The following MAP3K13 variants were observed in gnomAD, a reference collection of about 807,000 sequenced individuals.
MAP3K13 encodes the protein leucine zipper-bearing kinase.
In MAP3K13, 52 loss-of-function variants were observed where a neutral mutation model predicts 104.0. The observed-to-expected ratio is 0.50, with a 90% CI of 0.40 to 0.63. The LOEUF is 0.63. MAP3K13 is among the 20% of genes least tolerant of loss of function. The probability of loss-of-function intolerance (pLI) is 0.00; values close to 1 mark genes in which losing one functional copy is unlikely to be tolerated. For synonymous variants in MAP3K13, 394 were observed against 442.2 expected (o/e 0.89, Z 1.37); for missense variants, 914 against 1,218.5 (o/e 0.75, Z 3.72).
intron 2 of MAP3K13, among the ~76,000 whole-genome samples, chr3:185,320,898 C>T (rs1721830638): frequency 6.6e-6 from 1 of 152,096 alleles, no homozygotes; most frequent in Non-Finnish European, 1.5e-5. Context: ...AAGTCAGGGT[C>T]TCAGTTGTTT....
intron 7 of MAP3K13, among the ~76,000 whole-genome samples, chr3:185,460,535 G>A (rs576642351): frequency 2.8e-4 from 42 of 152,284 alleles, no homozygotes; most frequent in Admixed American, 2.0e-3. Context: ...CTCGATAGCT[G>A]TGCAAATTGG....
chr3:185,346,085 A>G (rs541326428), intron 2 of MAP3K13, among the ~76,000 whole-genome samples: 5 of 152,242 alleles, frequency 3.3e-5, no homozygotes, highest in Non-Finnish European at 7.3e-5. Context: ...TATTAACTAT[A>G]GTCACTGTGT....
rs193287914 is a variant in MAP3K13 at position 185,295,325 on chromosome 3, C to T, written c.-86+9682C>T. Among the ~76,000 whole-genome samples the T allele has an allele frequency of 2.1e-3, 313 of 152,296 alleles. 2 individuals are homozygous for T. Among genetic ancestry groups the T allele is most frequent in the African/African-American group, 7.0e-3 (290 of 41,566 alleles). On this transcript the variant is annotated intron_variant, in intron 2 of 14. Transcript: ENST00000424227. ...GGTTCAAGCAGTTCTCTGCCTCTGCCTCCCAAGTAGCTGGGATTATAGGCG... is the reference window on the plus strand; with the variant it reads ...GGTTCAAGCAGTTCTCTGCCTCTGCTTCCCAAGTAGCTGGGATTATAGGCG...
chr3:185,411,196 C>G (rs1475092475), intron 1 of MAP3K13, among the ~76,000 whole-genome samples: 1 of 151,990 alleles, frequency 6.6e-6, no homozygotes, highest in African/African-American at 2.4e-5. Flanking sequence ...GATTCAAGAA[C>G]AGCTAGACAT....
At position 185,428,639 on chromosome 3, in the gene MAP3K13, GA is replaced by G. The variant is rs1415816887; in HGVS notation, c.61del (p.Ser21AlafsTer36). 1 of 1,613,514 alleles carries G rather than the reference GA, an allele frequency of 6.2e-7. No homozygotes were observed. The stretch of plus-strand genomic sequence containing the variant: ...CTCTTCTCCACACTTACCCTTCAGT[GA>G]AAGCAAAACCTTCAATGGACTACAA... Reference protein sequence around the residue: ...CSSSPHLPFSESKTFNGLQDE... With the variant: ...CSSSPHLPFSXSKTFNGLQDE... On this transcript the variant is annotated frameshift_variant, in exon 2 of 14. Transcript: ENST00000265026. LOFTEE classifies it high-confidence loss of function.
chr3:185,402,639 G>A lies in MAP3K13; in HGVS notation c.-85-25858G>A, dbSNP rs761822467. ...AACCATGGACAGCATTTATTAGGAC[G>A]TAGAGGCCAGATGATGCCTGGAAAT... On this transcript the variant is annotated intron_variant, in intron 1 of 13. Transcript: ENST00000265026. Among the ~76,000 whole-genome samples, 13 of 152,308 alleles carry A rather than the reference G, an allele frequency of 8.5e-5. No individual in the cohort carries two copies. The East Asian group carries it at 2.1e-3, about 25-fold the overall frequency.
chr3:185,396,734 C>G (rs1712446716), intron 1 of MAP3K13, among the ~76,000 whole-genome samples: 1 of 152,162 alleles, frequency 6.6e-6, no homozygotes, highest in Non-Finnish European at 1.5e-5. Flanking sequence ...TGTCCCCAAA[C>G]AAATGAGAGC....
rs1272215398 is a variant in MAP3K13, at chr3:185,449,884, C to T, written c.1011-16C>T. ...TTCTGAAACATCTTCTGTCCATGTT[C>T]CCGGCGCTACTGTAGGTCTTTTGGA... On this transcript the variant is annotated splice_polypyrimidine_tract_variant and intron_variant, in intron 5 of 13. Transcript: ENST00000265026. 2.5e-6 allele frequency: 4 copies of T among 1,585,006 alleles called. No homozygotes were observed. Among genetic ancestry groups the T allele is most frequent in the African/African-American group, 2.7e-5 (2 of 73,428 alleles).
At chr3:185,341,908 A>G (rs977499857) in intron 2 of MAP3K13, among the ~76,000 whole-genome samples, 6 of 152,230 alleles carry the variant, frequency 3.9e-5, no homozygotes, top group Non-Finnish European at 5.9e-5. Flanking sequence ...ATACAAATCT[A>G]AAATATTTAC....
intron 1 of MAP3K13, among the ~76,000 whole-genome samples, chr3:185,373,423 C>T (rs141280094): frequency 1.3e-5 from 2 of 152,254 alleles, no homozygotes; most frequent in East Asian, 3.9e-4. Context: ...GGGTGGTTCA[C>T]TTGAAGTCAG....
intron 2 of MAP3K13, among the ~76,000 whole-genome samples, chr3:185,327,516 A>G (rs1336483211): frequency 1.3e-5 from 2 of 151,894 alleles, no homozygotes; most frequent in Non-Finnish European, 2.9e-5. Flanking sequence ...AAGAATTAAG[A>G]TGATCTCCAA....
chr3:185,327,149 T>C (rs919860513), intron 2 of MAP3K13, among the ~76,000 whole-genome samples: 3 of 152,192 alleles, frequency 2.0e-5, no homozygotes, highest in Non-Finnish European at 4.4e-5. Context: ...TCCTAGCTTC[T>C]AGAGGCCACC....
chr3:185,335,044 A>G (rs1231179475), intron 2 of MAP3K13, among the ~76,000 whole-genome samples: 1 of 152,220 alleles, frequency 6.6e-6, no homozygotes, highest in Admixed American at 6.5e-5. Flanking sequence ...CTTAAAAAAA[A>G]AAAAACAGCA....
chr3:185,362,728 T>C (rs1357208649), upstream of MAP3K13, among the ~76,000 whole-genome samples: 1 of 152,148 alleles, frequency 6.6e-6, no homozygotes, highest in Non-Finnish European at 1.5e-5. Flanking sequence ...GTTTTAGAAA[T>C]GGTTTTCCTG....
At chr3:185,320,346 A>G (rs1577420704) in intron 2 of MAP3K13, among the ~76,000 whole-genome samples, 1 of 152,068 alleles carries the variant, frequency 6.6e-6, no homozygotes, top group South Asian at 2.1e-4. Flanking sequence ...CTCCCAAAGT[A>G]CTGGGATTAC....
chr3:185,293,114 CCTTTTTCTTTTT>C (rs879903965), intron 2 of MAP3K13: 1 of 887,984 alleles, frequency 1.1e-6, no homozygotes, highest in Non-Finnish European at 1.3e-6. Context: ...TTTTCCTTTT[CCTTTTTCTTTTT>C]CTTTTTTTTG....
rs552779487 is a variant in MAP3K13, at chr3:185,455,453, T to C, written c.1278+4058T>C. Reference sequence around the variant, plus strand: ...ATATGAGATATATATATGAGATATATATCATATATATGAGATATATACATG... The same window carrying C: ...ATATGAGATATATATATGAGATATACATCATATATATGAGATATATACATG... On this transcript the variant is annotated intron_variant, in intron 7 of 13. Transcript: ENST00000265026. Among the ~76,000 whole-genome samples the C allele has an allele frequency of 5.2e-5, 6 of 116,146 alleles. No homozygotes were observed. In the East Asian group the frequency reaches 1.2e-3, roughly 22 times the overall value. 76.2% of individuals were successfully genotyped at this position (116,146 alleles called of 152,430 possible).
rs150776506 is a variant in MAP3K13, at chr3:185,480,514, GGAA to G, written c.2785_2787del (p.Glu929del). On this transcript the variant is annotated inframe_deletion, in exon 13 of 14. Transcript: ENST00000265026. ...TGTCTCTGGGCAAGCTGTGTGTGGA[GGAA>G]CGTGGCTATGAGGTGGGGGCTTCTC... 1,236 of 1,613,288 alleles carry G rather than the reference GGAA, an allele frequency of 7.7e-4. 8 individuals carry two copies. In the African/African-American group the frequency reaches 0.015, roughly 20 times the overall value.
intron 3 of MAP3K13, 137 bp from the exon 4 acceptor site, chr3:185,443,308 G>A: frequency 3.4e-6 from 2 of 596,876 alleles, no homozygotes; most frequent in East Asian, 5.7e-5. Flanking sequence ...ATGCTAATTT[G>A]AGAATCAGGA....
Sources: allele counts gnomAD v4.1 joint callset (sites outside exome capture counted in the v4.1 genomes callset), GRCh38; gene constraint gnomAD v4.1.1; transcripts MANE v1.5; gene names NCBI Gene and HGNC (gene_info 2026-07-23, HGNC 2026-07-21).